ZNF704: variants seen among roughly 807,000 people sequenced by gnomAD.
ZNF704 encodes zinc finger protein 704.
ZNF704 carries 10 observed loss-of-function variants against 44.7 expected under a neutral mutation model. The ratio of observed to expected loss-of-function variants is 0.22; its 90% CI spans 0.14 to 0.38. The LOEUF (loss-of-function observed/expected upper bound fraction) is 0.38. Among genes scored for constraint, ZNF704 ranks in the 10% least tolerant of loss-of-function variants. ZNF704 has a pLI of 1.00. For missense variants in ZNF704, 390 were observed against 545.5 expected (o/e 0.71, Z 2.84); for synonymous variants, 211 against 207.6 (o/e 1.02, Z -0.14).
intron 2 of ZNF704, among the ~76,000 whole-genome samples, chr8:80,793,629 C>T (rs1310239122): frequency 6.6e-6 from 1 of 151,828 alleles, no homozygotes; most frequent in Non-Finnish European, 1.5e-5. Flanking sequence ...AACCAAACGG[C>T]TGGTTTATGG....
intron 8 of ZNF704, among the ~76,000 whole-genome samples, 166 bp from the exon 9 acceptor site, chr8:80,641,643 G>C (rs1005986148): frequency 1.3e-5 from 2 of 151,786 alleles, no homozygotes; most frequent in Non-Finnish European, 2.9e-5. Flanking sequence ...TGAGGTGGGC[G>C]GATCACCAGA....
chr8:80,878,014 C>A (rs540316545), upstream of ZNF704, among the ~76,000 whole-genome samples: 3 of 152,192 alleles, frequency 2.0e-5, no homozygotes, highest in South Asian at 4.1e-4. Flanking sequence ...ACTCTGTCTT[C>A]TTCCTGCAGA....
At chr8:80,804,063 C>T (rs780099105) in intron 2 of ZNF704, among the ~76,000 whole-genome samples, 2 of 151,948 alleles carry the variant, frequency 1.3e-5, no homozygotes, top group African/African-American at 4.8e-5. Context: ...ATGTGGCCAA[C>T]AAACATATGA....
rs1052446729 is a variant in ZNF704, at chr8:80,635,827, C to T, written c.*5539G>A. 1 of 152,156 alleles carries T rather than the reference C, an allele frequency of 6.6e-6. No individual in the cohort carries two copies. The highest frequency in any genetic ancestry group is 6.5e-5 in the Admixed American group (1 of 15,288). 9.4% of individuals were successfully genotyped at this position (152,156 alleles called of 1,614,324 possible). A position where few individuals can be genotyped will look rare whatever the true frequency, so the allele number is the denominator to read the frequency against. On this transcript the variant is annotated 3_prime_UTR_variant, in exon 9 of 9. Transcript: ENST00000327835. ...GCTATCTTGATTCTCCTATAATACC[C>T]ATTCCATCTGATCTGTATTTCTACC...
Position 80,874,247 on chromosome 8 carries a change from C to T in ZNF704, c.-22+324G>A, listed in dbSNP as rs1351909241. 2.1e-5 allele frequency among the ~76,000 whole-genome samples: 3 copies of T among 145,070 alleles called. No individual in the cohort carries two copies. The highest frequency in any genetic ancestry group is 7.4e-5 in the African/African-American group (3 of 40,488). On this transcript the variant is annotated intron_variant, in intron 1 of 8. Coordinates refer to ENST00000327835, the MANE Select transcript of ZNF704 (RefSeq NM_001033723.3). This position sits in a 1 kb window ranked among gnomAD's most constrained non-coding sequence, Gnocchi z 4.4. ...CTGGACCGGCCGGCGGGGACGCCGG[C>T]GGCCGGCGGCTACGGCGGGGCGGCG...
At chr8:80,803,887 T>C (rs1807942659) in intron 2 of ZNF704, among the ~76,000 whole-genome samples, 1 of 151,722 alleles carries the variant, frequency 6.6e-6, no homozygotes, top group African/African-American at 2.4e-5. Context: ...ATCATCAGAG[T>C]GAACACACAA....
chr8:80,862,615 A>AAAAAAAAAT (rs1450301838), intron 1 of ZNF704, among the ~76,000 whole-genome samples: 7 of 150,182 alleles, frequency 4.7e-5, no homozygotes, highest in African/African-American at 1.5e-4. Flanking sequence ...AAAAAAAAAA[A>AAAAAAAAAT]TTAGTCAAAT....
intron 4 of ZNF704, among the ~76,000 whole-genome samples, chr8:80,681,397 A>G (rs1818451388): frequency 1.3e-5 from 2 of 152,224 alleles, no homozygotes; most frequent in South Asian, 4.1e-4. Context: ...AAAAATACAC[A>G]CTGTATAATT....
At position 80,766,861 on chromosome 8, in the gene ZNF704, C is replaced by T. The variant is rs901508096; in HGVS notation, c.221+54513G>A. Among the ~76,000 whole-genome samples, 37 of 152,120 alleles carry T rather than the reference C, an allele frequency of 2.4e-4. 1 individual carries two copies. The highest frequency in any genetic ancestry group is 1.8e-3 in the Admixed American group (28 of 15,270). On this transcript the variant is annotated intron_variant, in intron 2 of 8. Coordinates refer to ENST00000327835, the MANE Select transcript of ZNF704 (RefSeq NM_001033723.3). ...CGGAGTAGCTGGGATTACAGGCATG[C>T]GTCACCATGCTTGGCTAATTTTTGT...
At chr8:80,827,277 A>T (rs1489468876) in intron 1 of ZNF704, among the ~76,000 whole-genome samples, 1 of 152,232 alleles carries the variant, frequency 6.6e-6, no homozygotes, top group African/African-American at 2.4e-5. Context: ...CCTATACACC[A>T]ATAACAGACA....
At chr8:80,882,781 A>G in the ZNF704 span, among the ~76,000 whole-genome samples, 1 of 152,162 alleles carries the variant, frequency 6.6e-6, no homozygotes, top group Non-Finnish European at 1.5e-5. Context: ...CTTATGTCAC[A>G]TCATAATTTC....
chr8:80,856,322 T>C (rs1057205361), intron 1 of ZNF704, among the ~76,000 whole-genome samples: 6 of 152,212 alleles, frequency 3.9e-5, no homozygotes, highest in African/African-American at 1.2e-4. Flanking sequence ...TGCCTTTCAA[T>C]TGACTTGATT....
intron 4 of ZNF704, among the ~76,000 whole-genome samples, chr8:80,676,666 C>T (rs1250318901): frequency 3.3e-5 from 5 of 152,242 alleles, no homozygotes; most frequent in African/African-American, 1.2e-4. Context: ...ACTTGCCTTA[C>T]AGCAGCAGTC....
intron 1 of ZNF704, among the ~76,000 whole-genome samples, chr8:80,856,579 T>A (rs1056839243): frequency 6.6e-6 from 1 of 152,202 alleles, no homozygotes; most frequent in Non-Finnish European, 1.5e-5. Context: ...GGTTTGTTTG[T>A]TTTTTGTTTT....
At chr8:80,767,908 C>T (rs982956380) in intron 2 of ZNF704, among the ~76,000 whole-genome samples, 2 of 152,270 alleles carry the variant, frequency 1.3e-5, no homozygotes, top group Admixed American at 6.5e-5. Flanking sequence ...GCCTACTAAT[C>T]GCCTTGAGTT....
At chr8:80,857,937 A>G (rs1286481460) in intron 1 of ZNF704, among the ~76,000 whole-genome samples, 1 of 151,696 alleles carries the variant, frequency 6.6e-6, no homozygotes, top group African/African-American at 2.4e-5. Flanking sequence ...TCTTTAACAG[A>G]TGGTAGGTTA....
At chr8:80,787,061 C>T (rs553991770) in intron 2 of ZNF704, among the ~76,000 whole-genome samples, 3 of 152,268 alleles carry the variant, frequency 2.0e-5, no homozygotes, top group African/African-American at 7.2e-5. Flanking sequence ...ATAGTATACA[C>T]TTTAATTGCT....
chr8:80,850,885 G>A (rs559153820), intron 1 of ZNF704, among the ~76,000 whole-genome samples: 1 of 152,302 alleles, frequency 6.6e-6, no homozygotes, highest in African/African-American at 2.4e-5. Context: ...AACTGAGCAG[G>A]CTTGATTCCT....
At position 80,631,956 on chromosome 8, in the gene ZNF704, G is replaced by C. The variant is rs1469253291; in HGVS notation, c.*9410C>G. 2.0e-5 allele frequency: 3 copies of C among 152,154 alleles called. No individual in the cohort carries two copies. Among genetic ancestry groups the C allele is most frequent in the African/African-American group, 4.8e-5 (2 of 41,420 alleles). The allele number at this position is 152,154 out of a possible 1,614,324, so 9.4% of individuals were successfully genotyped here. ...TGGAACTGAAAAAACATTAACAACA[G>C]CCTGGCCTCTAGCTCAGGCAGATGA... is the stretch of plus-strand genomic sequence containing the variant. On this transcript the variant is annotated 3_prime_UTR_variant, in exon 9 of 9. Coordinates refer to ENST00000327835, the MANE Select transcript of ZNF704 (RefSeq NM_001033723.3).
Sources: gnomAD v4.1 joint callset for allele counts (sites outside exome capture counted in the v4.1 genomes callset) on GRCh38, gnomAD v4.1.1 for gene constraint, Gnocchi (gnomAD v3.1) non-coding constraint, MANE v1.5 for transcripts, NCBI Gene and HGNC (gene_info 2026-07-23, HGNC 2026-07-21) for gene names.